IGSF1: variants seen among roughly 807,000 people sequenced by gnomAD.
IGSF1 encodes the protein immunoglobulin superfamily member 1, also known as immunoglobulin-like domain-containing protein 1.
Under a neutral mutation model 95.3 loss-of-function variants are expected in IGSF1, and 40 were observed. The observed-to-expected ratio is 0.42, with a 90% CI of 0.33 to 0.55. The LOEUF (loss-of-function observed/expected upper bound fraction) is 0.55. Ranked by LOEUF, IGSF1 falls within the 20% of genes least tolerant of loss-of-function variation. The probability of loss-of-function intolerance (pLI) is 0.10; values close to 1 mark genes in which losing one functional copy is unlikely to be tolerated. For synonymous variants in IGSF1, 372 were observed against 382.9 expected (o/e 0.97, Z 0.33); for missense variants, 906 against 1,025.4 (o/e 0.88, Z 1.59).
At position 131,283,002 on chromosome X, in the gene IGSF1, A is replaced by G. The variant is rs1298877564; in HGVS notation, c.930T>C (p.Asp310=). The change falls in exon 6 of 20, where the codon GAT becomes GAC. Residue 310 remains aspartate (D), a synonymous_variant. Coordinates refer to ENST00000361420, the MANE Select transcript of IGSF1 (RefSeq NM_001555.5). ...DASYRGSLLS[D]VLKIWVTDTF... Reference sequence around the variant, plus strand: ...TACCAGTCACCCAGATTTTCAGGACATCACTAAGGAGTGAACCTCTATATG... The same window carrying G: ...TACCAGTCACCCAGATTTTCAGGACGTCACTAAGGAGTGAACCTCTATATG... The G allele has an allele frequency of 9.1e-6, 11 of 1,205,287 alleles. No individual in the cohort carries two copies. The highest frequency in any genetic ancestry group is 1.2e-5 in the Non-Finnish European group (11 of 889,629).
In IGSF1 at chrX:131,282,041, C is replaced by T. The variant is rs779732282; in HGVS notation, c.1247-97G>A. On this transcript the variant is annotated intron_variant, in intron 7 of 19. Coordinates refer to ENST00000361420, the MANE Select transcript of IGSF1 (RefSeq NM_001555.5). ...TGAGCTCCCCATTTGATCTTCTCTT[C>T]CTTTCCACTTCCACTTGGCCAGTGG... 146 of 796,066 alleles carry T rather than the reference C, an allele frequency of 1.8e-4. 1 individual carries two copies. The African/African-American group carries it at 2.7e-3, about 15-fold the overall frequency. 65.6% of individuals were successfully genotyped at this position (796,066 alleles called of 1,213,427 possible).
intron 1 of IGSF1, among the ~76,000 whole-genome samples, chrX:131,287,123 G>A (rs1312349286): frequency 2.0e-5 from 2 of 100,602 alleles, no homozygotes; most frequent in Non-Finnish European, 4.0e-5. Context: ...ATATATGTGT[G>A]TATATATACG....
Position 131,285,964 on chromosome X carries a change from G to T in IGSF1, c.182C>A (p.Pro61His), listed in dbSNP as rs773319089. 4 of 1,208,591 alleles carry T rather than the reference G, an allele frequency of 3.3e-6. No individual in the cohort carries two copies. The highest frequency in any genetic ancestry group is 4.5e-6 in the Non-Finnish European group (4 of 894,206). Residue 61 changes from proline (P) to histidine (H), a missense_variant, in exon 4 of 20, where the codon CCC (proline) becomes CAC (histidine). Physicochemically the swap from Pro to His is moderately conservative, Grantham distance 77. This residue lies in a region of IGSF1 where 442 missense variants were observed against 448.1 expected (regional missense o/e 0.99). Transcript: ENST00000361420. ...CAGGAACTTGCTTGATATCCGAGAG[G>T]GGCTTCGGCACCAAAGCGTGATGTT... ...WENITLWCRS[P>H]SRISSKFLLL...
chrX:131,274,551 G>T lies in IGSF1; in HGVS notation c.3751+48C>A, dbSNP rs186207785. The T allele has an allele frequency of 1.0e-3, 1,169 of 1,155,552 alleles. 15 individuals are homozygous for T. The Admixed American group carries it at 0.025, about 25-fold the overall frequency. ...GATGTCTCCATGGGGACTGTCCCTG[G>T]GATCCCAGGTGTGTCACACCAGGAC... On this transcript the variant is annotated intron_variant, in intron 18 of 19. Transcript: ENST00000361420.
intron 11 of IGSF1, among the ~76,000 whole-genome samples, 179 bp downstream of exon 11, chrX:131,278,964 A>G (rs1487972793): frequency 9.0e-6 from 1 of 111,382 alleles, no homozygotes; most frequent in Non-Finnish European, 1.9e-5. Flanking sequence ...GCTTGGAGGA[A>G]ATTTTGCAGG....
intron 5 of IGSF1, among the ~76,000 whole-genome samples, chrX:131,283,537 C>T (rs1286302121): frequency 1.8e-5 from 2 of 111,930 alleles, no homozygotes; most frequent in African/African-American, 6.5e-5. Flanking sequence ...TTCCCTGTAT[C>T]TTTAGGCCCC....
At position 131,273,928 on chromosome X, in the gene IGSF1, G is replaced by T. The variant is rs761445482; in HGVS notation, c.3879C>A (p.Gly1293=). 159 of 1,207,200 alleles carry T rather than the reference G, an allele frequency of 1.3e-4. 2 individuals carry two copies. The South Asian group carries it at 2.8e-3, about 21-fold the overall frequency. ...WKKWPRLRTR[G]SETDGRDQTI... ...TCTGGTCTCTTCCGTCTGTCTCTGA[G>T]CCTCTATGTAAAGAAAAAGACATGA... Residue 1293 remains glycine, a synonymous_variant, in exon 20 of 20, where the codon GGC becomes GGA. Transcript: ENST00000361420.
intron 9 of IGSF1, chrX:131,281,016 T>A: frequency 2.4e-6 from 1 of 417,050 alleles, no homozygotes; most frequent in Non-Finnish European, 4.3e-6. Flanking sequence ...CTCTGAGAAC[T>A]ATGCATTTCT....
chrX:131,276,826 TA>T, intron 14 of IGSF1, 112 bp downstream of exon 14: 1 of 748,673 alleles, frequency 1.3e-6, no homozygotes, highest in Non-Finnish European at 2.0e-6. Flanking sequence ...GCCGCTGTCC[TA>T]AGCACGTTCT....
intron 4 of IGSF1, 62 bp downstream of exon 4, chrX:131,285,705 C>T: frequency 9.1e-7 from 1 of 1,096,977 alleles, no homozygotes. Context: ...AAACTCTCCC[C>T]TGGAAGGCAA....
At chrX:131,278,789 T>C (rs2080512848) in intron 11 of IGSF1, 38 bp from the exon 12 acceptor site, 2 of 1,122,731 alleles carry the variant, frequency 1.8e-6, no homozygotes, top group Admixed American at 4.5e-5. Context: ...TCCTCCCGCC[T>C]CCCTTCCCCT....
At position 131,285,945 on chromosome X, in the gene IGSF1, C is replaced by T; in HGVS notation, c.201G>A (p.Lys67=). The T allele has an allele frequency of 1.7e-6, 2 of 1,211,622 alleles. No homozygotes were observed. The highest frequency in any genetic ancestry group is 2.2e-6 in the Non-Finnish European group (2 of 895,359). The change falls in exon 4 of 20, where the codon AAG becomes AAA. Residue 67 remains lysine, a synonymous_variant. Transcript: ENST00000361420. ...GTGTCTTATCCTTCAGCAGCAGGAA[C>T]TTGCTTGATATCCGAGAGGGGCTTC... ...WCRSPSRISS[K]FLLLKDKTQM...
intron 5 of IGSF1, 160 bp downstream of exon 5, chrX:131,285,019 T>A: frequency 4.2e-6 from 4 of 952,831 alleles, no homozygotes; most frequent in Non-Finnish European, 5.5e-6. Flanking sequence ...CACATGCCAT[T>A]CTAATTTATA....
At chrX:131,283,844 A>G (rs777714724) in intron 5 of IGSF1, among the ~76,000 whole-genome samples, 75 of 109,960 alleles carry the variant, frequency 6.8e-4, no homozygotes, top group African/African-American at 2.4e-3. Flanking sequence ...ACCTCCTACC[A>G]CTCCTTCCTA....
intron 2 of IGSF1, 23 bp downstream of exon 2, chrX:131,286,582 C>G (rs771110681): frequency 1.8e-5 from 21 of 1,197,621 alleles, no homozygotes; most frequent in Non-Finnish European, 2.3e-5. Context: ...GTCACTTGCC[C>G]CTCACCCCTT....
Position 131,275,163 on chromosome X carries a change from G to C in IGSF1, c.3308C>G (p.Ala1103Gly). 1 of 1,211,714 alleles carries C rather than the reference G, an allele frequency of 8.3e-7. No homozygotes were observed. The highest frequency in any genetic ancestry group is 1.1e-6 in the Non-Finnish European group (1 of 895,400). Residue 1103 changes from alanine (A) to glycine (G), a missense_variant, in exon 17 of 20, where the codon GCT (alanine) becomes GGT (glycine). Physicochemically the swap from Ala to Gly is moderately conservative, Grantham distance 60 (BLOSUM62 0). Transcript: ENST00000361420. Reference protein sequence around the residue: ...DSTFVLLKEGAQEPLEQQRPS... With the variant: ...DSTFVLLKEGGQEPLEQQRPS... ...CCTCTGTTGCTCTAAAGGCTCCTGA[G>C]CCCCCTCCTTCAACAGGACAAATGT...
At position 131,273,868 on chromosome X, in the gene IGSF1, T is replaced by C. The variant is rs759609799; in HGVS notation, c.3939A>G (p.Glu1313=). Reference sequence around the variant, plus strand: ...AAGGAGAATTGGCAGGGGTGCCTGGTTCTCCTTCTTGGTTACACTCTTCAA... The same window carrying C: ...AAGGAGAATTGGCAGGGGTGCCTGGCTCTCCTTCTTGGTTACACTCTTCAA... ...IALEECNQEG[E]PGTPANSPSS... Residue 1313 remains glutamate, a synonymous_variant, in exon 20 of 20, where the codon GAA becomes GAG. Transcript: ENST00000361420. 2 of 1,207,517 alleles carry C rather than the reference T, an allele frequency of 1.7e-6. No individual in the cohort carries two copies. The highest frequency in any genetic ancestry group is 4.4e-5 in the Admixed American group (2 of 45,787).
rs201455671 is a variant in IGSF1 at position 131,279,254 on chromosome X, C to A, written c.1717+17G>T. ...CCCGGCCTTCTGCCCGGGGCCCCTT[C>A]CCCCACTTGTACTCACCACAGCAGA... On this transcript the variant is annotated intron_variant, in intron 10 of 19. Coordinates refer to ENST00000361420, the MANE Select transcript of IGSF1 (RefSeq NM_001555.5). 11 of 1,208,426 alleles carry A rather than the reference C, an allele frequency of 9.1e-6. No individual in the cohort carries two copies. The East Asian group carries it at 1.2e-4, about 13-fold the overall frequency.
intron 11 of IGSF1, 47 bp from the exon 12 acceptor site, chrX:131,278,798 C>G: frequency 2.7e-6 from 3 of 1,115,008 alleles, no homozygotes; most frequent in East Asian, 6.0e-5. Context: ...CTCCCTTCCC[C>G]TCCCTCCTCC....
Sources: gnomAD v4.1 joint callset for allele counts (sites outside exome capture counted in the v4.1 genomes callset) on GRCh38, gnomAD v4.1.1 for gene constraint, gnomAD v4.1.1 regional missense constraint, MANE v1.5 for transcripts, NCBI Gene and HGNC (gene_info 2026-07-23, HGNC 2026-07-21) for gene names.